NCAM1: variants seen among roughly 807,000 people sequenced by gnomAD.
The protein encoded by NCAM1 is neural cell adhesion molecule 1, also known as antigen recognized by monoclonal antibody 5.1H11.
Under a neutral mutation model 109.8 loss-of-function variants are expected in NCAM1, and 14 were observed. The observed-to-expected ratio is 0.13, with a 90% confidence interval of 0.08 to 0.20. NCAM1 has a LOEUF of 0.20. NCAM1 is among the 10% of genes least tolerant of loss of function. The pLI is 1.00. For missense variants in NCAM1, 774 were observed against 1,109.9 expected (o/e 0.70, Z 4.30); for synonymous variants, 418 against 442.9 (o/e 0.94, Z 0.70).
At chr11:113,125,102 C>A (rs1941123517) in intron 1 of NCAM1, among the ~76,000 whole-genome samples, 1 of 152,164 alleles carries the variant, frequency 6.6e-6, no homozygotes, top group Admixed American at 6.5e-5. Context: ...ATGATTAGAG[C>A]AATATAGGAT....
At chr11:113,240,618 C>G in intron 14 of NCAM1, 1 of 668,770 alleles carries the variant, frequency 1.5e-6, no homozygotes, top group Non-Finnish European at 2.7e-6. Flanking sequence ...AGCCCTGCTC[C>G]TCGCTAGTGC....
intron 1 of NCAM1, among the ~76,000 whole-genome samples, chr11:113,080,516 G>A (rs555511557): frequency 2.6e-4 from 39 of 151,002 alleles, no homozygotes; most frequent in African/African-American, 9.0e-4. Context: ...TGATGCGGGT[G>A]GTATTCACAT....
At chr11:113,204,625 C>G (rs1944181117) in intron 3 of NCAM1, 121 bp downstream of exon 3, 5 of 977,722 alleles carry the variant, frequency 5.1e-6, no homozygotes, top group Non-Finnish European at 7.5e-6. Flanking sequence ...GTCCCATTCT[C>G]TCTCCCTAAG....
chr11:113,272,585 C>A (rs1195791006), intron 19 of NCAM1, among the ~76,000 whole-genome samples: 10 of 152,164 alleles, frequency 6.6e-5, no homozygotes, highest in Admixed American at 3.3e-4. Context: ...CCTGCCCCTC[C>A]TTGAATGGAG....
At chr11:113,089,355 A>G (rs1232001201) in intron 1 of NCAM1, among the ~76,000 whole-genome samples, 5 of 142,500 alleles carry the variant, frequency 3.5e-5, no homozygotes, top group African/African-American at 1.3e-4. Flanking sequence ...TTCCCTTGAA[A>G]CTAAAAAATA....
chr11:113,097,544 G>A (rs1439804990), intron 1 of NCAM1, among the ~76,000 whole-genome samples: 2 of 151,142 alleles, frequency 1.3e-5, no homozygotes, highest in Non-Finnish European at 2.9e-5. Context: ...TAGGATGACT[G>A]CCAGCTTCAT....
At chr11:113,228,349 TA>T (rs1944908375) in intron 9 of NCAM1, among the ~76,000 whole-genome samples, 1 of 152,042 alleles carries the variant, frequency 6.6e-6, no homozygotes, top group Non-Finnish European at 1.5e-5. Flanking sequence ...TCAAAGAGAA[TA>T]AAATACCTGG....
rs1946414759 is a variant in NCAM1 at position 113,277,258 on chromosome 11, G to GATC, written c.*1873_*1875dup. 1 of 398,666 alleles carries GATC rather than the reference G, an allele frequency of 2.5e-6. No homozygotes were observed. Among genetic ancestry groups the GATC allele is most frequent in the Non-Finnish European group, 4.4e-6 (1 of 225,890 alleles). 24.7% of individuals were successfully genotyped at this position (398,666 alleles called of 1,614,324 possible). ...CAACGTTCTGACACTTCTGCAGTCTGATCAGTGGCGATGCTAGATTATAAT... is the reference window on the plus strand; with the variant it reads ...CAACGTTCTGACACTTCTGCAGTCTGATCATCAGTGGCGATGCTAGATTATAAT... On this transcript the variant is annotated 3_prime_UTR_variant, in exon 20 of 20. Coordinates refer to ENST00000316851, the MANE Select transcript of NCAM1 (RefSeq NM_181351.5).
chr11:113,276,573 A>G lies in NCAM1; in HGVS notation c.*1186A>G, dbSNP rs1167946346. The G allele has an allele frequency of 1.3e-5, 2 of 152,650 alleles. No homozygotes were observed. Among genetic ancestry groups the G allele is most frequent in the African/African-American group, 4.8e-5 (2 of 41,452 alleles). The allele number at this position is 152,650 out of a possible 1,614,324, so 9.5% of individuals were successfully genotyped here. A position where few individuals can be genotyped will look rare whatever the true frequency, so the allele number is the denominator to read the frequency against. On this transcript the variant is annotated 3_prime_UTR_variant, in exon 20 of 20. Coordinates refer to ENST00000316851, the MANE Select transcript of NCAM1 (RefSeq NM_181351.5). ...TACCCCACACATCCCCTTTGTGTAGAAAGCCAAATAAAATCTATACATACC... is the reference window on the plus strand; with the variant it reads ...TACCCCACACATCCCCTTTGTGTAGGAAGCCAAATAAAATCTATACATACC...
chr11:113,272,267 G>A (rs782031561), intron 19 of NCAM1, among the ~76,000 whole-genome samples: 1 of 152,120 alleles, frequency 6.6e-6, no homozygotes, highest in South Asian at 2.1e-4. Flanking sequence ...GGGAAGCTGG[G>A]GACCTGGTAA....
At chr11:113,161,122 T>C (rs1467448407) in intron 1 of NCAM1, among the ~76,000 whole-genome samples, 2 of 152,104 alleles carry the variant, frequency 1.3e-5, no homozygotes, top group Non-Finnish European at 2.9e-5. Context: ...AGACCATCCG[T>C]TTTAGAAAAA....
chr11:113,068,022 T>A (rs1360368956), intron 1 of NCAM1, among the ~76,000 whole-genome samples: 1 of 150,358 alleles, frequency 6.7e-6, no homozygotes, highest in Non-Finnish European at 1.5e-5. Context: ...GCCATTCTCC[T>A]GCCTCAGCCT....
Position 113,257,591 on chromosome 11 carries a change from C to T in NCAM1, c.1953+1590C>T, listed in dbSNP as rs143631249. 4.5e-3 allele frequency among the ~76,000 whole-genome samples: 692 copies of T among 152,322 alleles called. 3 individuals are homozygous for T. Among genetic ancestry groups the T allele is most frequent in the African/African-American group, 0.016 (652 of 41,560 alleles). ...GGATGTCAGTTTGTCTGAGGAGCCA[C>T]TGTGGCTGCAGCAGGCAGCTCTGCA... On this transcript the variant is annotated intron_variant, in intron 16 of 19. Transcript: ENST00000316851.
chr11:112,984,961 A>G (rs1015391208), intron 1 of NCAM1, among the ~76,000 whole-genome samples: 1 of 149,456 alleles, frequency 6.7e-6, no homozygotes, highest in Admixed American at 6.7e-5. Context: ...TTTTTTTTTA[A>G]TCATTGCCAA....
intron 1 of NCAM1, among the ~76,000 whole-genome samples, chr11:113,062,104 A>T (rs1937683460): frequency 6.6e-6 from 1 of 152,220 alleles, no homozygotes; most frequent in Non-Finnish European, 1.5e-5. Flanking sequence ...TTGGTTTTCT[A>T]TTGTGGTAAA....
intron 1 of NCAM1, among the ~76,000 whole-genome samples, chr11:112,976,806 A>T (rs1256824223): frequency 3.9e-5 from 6 of 151,924 alleles, no homozygotes; most frequent in African/African-American, 1.4e-4. Context: ...TCTTATCCAT[A>T]TCTAACATTT....
chr11:113,124,790 C>T (rs1048009106), intron 1 of NCAM1, among the ~76,000 whole-genome samples: 1 of 152,172 alleles, frequency 6.6e-6, no homozygotes, highest in Non-Finnish European at 1.5e-5. Flanking sequence ...GTATAAGACA[C>T]GTTTACTGAC....
intron 1 of NCAM1, among the ~76,000 whole-genome samples, chr11:113,138,767 T>C (rs1383767038): frequency 2.6e-5 from 4 of 152,262 alleles, no homozygotes; most frequent in Admixed American, 6.5e-5. Flanking sequence ...AGGAACAATG[T>C]ATTTTCCACA....
chr11:113,109,738 A>C (rs974780659), intron 1 of NCAM1, among the ~76,000 whole-genome samples: 1 of 152,168 alleles, frequency 6.6e-6, no homozygotes, highest in Non-Finnish European at 1.5e-5. Context: ...TTGATGAAAA[A>C]GTGACTTTTG....
Sources: gnomAD v4.1 joint callset for allele counts (sites outside exome capture counted in the v4.1 genomes callset) on GRCh38, gnomAD v4.1.1 for gene constraint, MANE v1.5 for transcripts, NCBI Gene and HGNC (gene_info 2026-07-23, HGNC 2026-07-21) for gene names.